CADPS: variants seen among roughly 807,000 people sequenced by gnomAD.
CADPS encodes the protein calcium-dependent secretion activator 1.
CADPS carries 57 observed loss-of-function variants against 167.3 expected under a neutral mutation model. The observed-to-expected ratio is 0.34, with a 90% CI of 0.28 to 0.42. The LOEUF (loss-of-function observed/expected upper bound fraction) is 0.42, where lower values mean the gene tolerates loss of function less well. Ranked by LOEUF, CADPS falls within the 20% of genes least tolerant of loss-of-function variation. CADPS has a pLI of 1.00. For synonymous variants in CADPS, 676 were observed against 635.3 expected, an observed-to-expected ratio of 1.06 and a Z score of -0.96; for missense variants, 1,414 against 1,738.1, an observed-to-expected ratio of 0.81 and a Z score of 3.32.
intron 17 of CADPS, among the ~76,000 whole-genome samples, chr3:62,510,999 T>C (rs2067698034): frequency 6.6e-6 from 1 of 152,186 alleles, no homozygotes. Flanking sequence ...CCCTATTCCC[T>C]CTCTTCAGTC....
At chr3:62,764,380 C>A (rs1300590706) in intron 2 of CADPS, among the ~76,000 whole-genome samples, 1 of 151,904 alleles carries the variant, frequency 6.6e-6, no homozygotes, top group South Asian at 2.1e-4. Context: ...CACTCATTGG[C>A]GATAATGAAT....
At chr3:62,558,718 T>G (rs180897064) in intron 9 of CADPS, among the ~76,000 whole-genome samples, 1 of 152,180 alleles carries the variant, frequency 6.6e-6, no homozygotes, top group Non-Finnish European at 1.5e-5. Context: ...CAGGAGGATG[T>G]TTTTGGTAGT....
chr3:62,403,373 GGACCAATCCAAGACA>G, intron 28 of CADPS, 188 bp from the exon 29 acceptor site: 1 of 481,006 alleles, frequency 2.1e-6, no homozygotes, highest in Non-Finnish European at 3.7e-6. Flanking sequence ...ACTGGGTACT[GGACCAATCCAAGACA>G]GACAATCTAA....
In CADPS at chr3:62,874,242, C is replaced by G. The variant is rs2083223268; in HGVS notation, c.441+347G>C. Among the ~76,000 whole-genome samples, 1 of 152,138 alleles carries G rather than the reference C, an allele frequency of 6.6e-6. No individual in the cohort carries two copies. Among genetic ancestry groups the G allele is most frequent in the South Asian group, 2.1e-4 (1 of 4,828 alleles). ...TGGGAGCCCTGCAAGCGAGCAAGGC[C>G]TCTCTGGGCGCCGCGGGCAGCAAAT... On this transcript the variant is annotated intron_variant, in intron 1 of 29. Transcript: ENST00000383710. This position sits in a 1 kb window ranked among gnomAD's most constrained non-coding sequence, Gnocchi z 7.1.
At chr3:62,476,633 T>C (rs1219713712) in intron 23 of CADPS, among the ~76,000 whole-genome samples, 3 of 152,158 alleles carry the variant, frequency 2.0e-5, no homozygotes, top group Non-Finnish European at 4.4e-5. Flanking sequence ...TACAGCATGG[T>C]AAGGGATAAG....
At position 62,491,500 on chromosome 3, in the gene CADPS, G is replaced by A; in HGVS notation, c.2885-20C>T. 6.2e-7 allele frequency: 1 copy of A among 1,605,694 alleles called. No homozygotes were observed. The highest frequency in any genetic ancestry group is 8.5e-7 in the Non-Finnish European group (1 of 1,175,562). ...AATTATCTAGAACAGATAAGCAAAAGCTTGTTAAGAACCCACAGCTACTTT... is the reference window on the plus strand; with the variant it reads ...AATTATCTAGAACAGATAAGCAAAAACTTGTTAAGAACCCACAGCTACTTT... On this transcript the variant is annotated intron_variant, in intron 20 of 29. Transcript: ENST00000383710.
intron 1 of CADPS, among the ~76,000 whole-genome samples, chr3:62,856,321 A>G (rs73844675): frequency 0.046 from 6,994 of 152,228 alleles, 186 homozygotes; most frequent in East Asian, 0.09. Flanking sequence ...GAAAACTACA[A>G]AAATAAATTG....
intron 28 of CADPS, among the ~76,000 whole-genome samples, chr3:62,430,940 G>A (rs1311298089): frequency 3.9e-5 from 6 of 152,056 alleles, no homozygotes; most frequent in Non-Finnish European, 8.8e-5. Context: ...TCCTGTAACT[G>A]CCTTTCCCAG....
chr3:62,526,551 T>C (rs1436042267), intron 13 of CADPS, among the ~76,000 whole-genome samples: 3 of 152,188 alleles, frequency 2.0e-5, no homozygotes, highest in African/African-American at 7.2e-5. Context: ...ACCAAAGTGA[T>C]GCTAATCTAA....
intron 3 of CADPS, among the ~76,000 whole-genome samples, chr3:62,695,872 C>G (rs2080175595): frequency 6.6e-6 from 1 of 152,162 alleles, no homozygotes; most frequent in South Asian, 2.1e-4. Context: ...TGTTTTTGGC[C>G]ATGCTCTGAG....
At chr3:62,782,441 A>G (rs980344231) in intron 1 of CADPS, among the ~76,000 whole-genome samples, 1 of 152,180 alleles carries the variant, frequency 6.6e-6, no homozygotes, top group Admixed American at 6.5e-5. Context: ...TGGAGCTACC[A>G]TTCTAGTTGA....
chr3:62,537,112 C>T (rs2074839562), intron 11 of CADPS, among the ~76,000 whole-genome samples: 1 of 152,062 alleles, frequency 6.6e-6, no homozygotes, highest in Non-Finnish European at 1.5e-5. Context: ...AGGTTTGAGT[C>T]CCCACCCTGC....
intron 29 of CADPS, among the ~76,000 whole-genome samples, chr3:62,400,843 C>T (rs1044449844): frequency 1.3e-5 from 2 of 151,980 alleles, no homozygotes; most frequent in African/African-American, 4.8e-5. Context: ...TGTGATCCAC[C>T]CGCCTTGGCC....
intron 6 of CADPS, among the ~76,000 whole-genome samples, chr3:62,598,401 T>C (rs979531508): frequency 6.6e-6 from 1 of 152,216 alleles, no homozygotes; most frequent in Non-Finnish European, 1.5e-5. Context: ...CTTAGTAGAA[T>C]CAAGAAGGTT....
At chr3:62,636,706 T>C (rs969326338) in intron 6 of CADPS, among the ~76,000 whole-genome samples, 7 of 152,298 alleles carry the variant, frequency 4.6e-5, no homozygotes, top group East Asian at 1.9e-4. Context: ...TCTGGAACAA[T>C]GGCCCTGATC....
chr3:62,605,195 C>A (rs2060525667), intron 6 of CADPS, among the ~76,000 whole-genome samples: 1 of 152,126 alleles, frequency 6.6e-6, no homozygotes, highest in African/African-American at 2.4e-5. Flanking sequence ...GCATTGCACA[C>A]CCCTTTGCAT....
chr3:62,581,602 G>A lies in CADPS; in HGVS notation c.1577+3583C>T, dbSNP rs1161043763. 2.0e-5 allele frequency among the ~76,000 whole-genome samples: 3 copies of A among 152,058 alleles called. No homozygotes were observed. The East Asian group carries it at 5.8e-4, about 29-fold the overall frequency. On this transcript the variant is annotated intron_variant, in intron 8 of 29. Coordinates refer to ENST00000383710, the MANE Select transcript of CADPS (RefSeq NM_003716.4). ...AGGCTGAGGTGGGAGGACTGCCTGAGCCCAAGAGGTCAAGGCTGCAGTAAG... is the reference window on the plus strand; with the variant it reads ...AGGCTGAGGTGGGAGGACTGCCTGAACCCAAGAGGTCAAGGCTGCAGTAAG...
At chr3:62,605,506 C>T (rs897516576) in intron 6 of CADPS, among the ~76,000 whole-genome samples, 2 of 152,176 alleles carry the variant, frequency 1.3e-5, no homozygotes, top group African/African-American at 4.8e-5. Flanking sequence ...TTCTAATCTG[C>T]CTTGCTCCCA....
chr3:62,651,090 AAAAAG>A lies in CADPS; in HGVS notation c.970-15_970-11del. The A allele has an allele frequency of 6.3e-7, 1 of 1,590,808 alleles. No individual in the cohort carries two copies. The highest frequency in any genetic ancestry group is 8.6e-7 in the Non-Finnish European group (1 of 1,159,452). On this transcript the variant is annotated splice_polypyrimidine_tract_variant and intron_variant, in intron 4 of 29. Coordinates refer to ENST00000383710, the MANE Select transcript of CADPS (RefSeq NM_003716.4). ...TGGGAAATTTGCGTTCCTTGGGAAG[AAAAAG>A]AAAAGTATGAGCAGAGGAGAAAATA...
Sources: gnomAD v4.1 joint callset for allele counts (sites outside exome capture counted in the v4.1 genomes callset) on GRCh38, gnomAD v4.1.1 for gene constraint, Gnocchi (gnomAD v3.1) non-coding constraint, MANE v1.5 for transcripts, NCBI Gene and HGNC (gene_info 2026-07-23, HGNC 2026-07-21) for gene names.